The following FASTKD2 variants were observed in gnomAD, a reference collection of about 807,000 sequenced individuals.
FASTKD2 encodes FAST kinase domain-containing protein 2, mitochondrial.
Under a neutral mutation model 63.6 loss-of-function variants are expected in FASTKD2, and 51 were observed. That is an observed-to-expected ratio of 0.80 (90% confidence interval 0.64 to 1.01). FASTKD2 has a LOEUF of 1.01. FASTKD2 is among the 50% of genes least tolerant of loss of function. The pLI is 0.00. For synonymous variants in FASTKD2, 284 were observed against 293.4 expected (o/e 0.97, Z 0.33); for missense variants, 786 against 831.1 (o/e 0.95, Z 0.67).
intron 2 of FASTKD2, among the ~76,000 whole-genome samples, chr2:206,767,757 C>T (rs775542689): frequency 2.0e-5 from 3 of 152,030 alleles, no homozygotes; most frequent in African/African-American, 4.8e-5. Context: ...CAAAGAAAGC[C>T]TGGGTAGTTG....
At chr2:206,770,729 C>CAA (rs549037266) in intron 3 of FASTKD2, among the ~76,000 whole-genome samples, 1,761 of 77,036 alleles carry the variant, frequency 0.023, 40 homozygotes, top group African/African-American at 0.064. Context: ...GACTCTGTCT[C>CAA]AAAAAAAAAA....
chr2:206,772,170 C>A lies in FASTKD2; in HGVS notation c.1115-11C>A. 1 of 1,609,954 alleles carries A rather than the reference C, an allele frequency of 6.2e-7. No homozygotes were observed. Among genetic ancestry groups the A allele is most frequent in the African/African-American group, 1.3e-5 (1 of 74,978 alleles). On this transcript the variant is annotated splice_polypyrimidine_tract_variant and intron_variant, in intron 5 of 11. Coordinates refer to ENST00000402774, the MANE Select transcript of FASTKD2 (RefSeq NM_001136193.2). ...GTAATTTTTGTTTGTTTATTTAACT[C>A]ATTCTTCAAGATAATATCCATGGGT...
Position 206,765,627 on chromosome 2 carries a change from G to T in FASTKD2, c.-171G>T. 1 of 755,788 alleles carries T rather than the reference G, an allele frequency of 1.3e-6. No homozygotes were observed. The highest frequency in any genetic ancestry group is 1.7e-6 in the Non-Finnish European group (1 of 603,496). 46.8% of individuals were successfully genotyped at this position (755,788 alleles called of 1,614,324 possible). On this transcript the variant is annotated 5_prime_UTR_variant, in exon 1 of 12. Transcript: ENST00000402774. ...CGGGGAAGCTGTCATGGCTGCTCCT[G>T]TACGTAGTCACGGTCTTGTGCTCTA...
chr2:206,767,209 A>G lies in FASTKD2; in HGVS notation c.516A>G (p.Ala172=), dbSNP rs142537662. The G allele has an allele frequency of 1.1e-4, 173 of 1,614,128 alleles. No homozygotes were observed. The highest frequency in any genetic ancestry group is 2.3e-4 in the Admixed American group (14 of 60,014). Residue 172 remains alanine (A), a synonymous_variant, in exon 2 of 12, where the codon GCA becomes GCG. Transcript: ENST00000402774. The part of the protein sequence containing the change: ...ECNSLSDVLD[A]FSKAPTFPSS... ...ATTCCCTGAGTGATGTGTTAGATGC[A>G]TTTTCAAAAGCGCCCACATTTCCTA...
intron 7 of FASTKD2, among the ~76,000 whole-genome samples, chr2:206,786,215 T>TA (rs538518880): frequency 2.3e-3 from 349 of 152,352 alleles, no homozygotes; most frequent in African/African-American, 7.7e-3. Flanking sequence ...TTAACCACGT[T>TA]ATACTGTGTA....
rs535498243 is a variant in FASTKD2, at chr2:206,780,056, T to C, written c.1427+5659T>C. Among the ~76,000 whole-genome samples the C allele has an allele frequency of 2.1e-4, 32 of 152,340 alleles. No homozygotes were observed. The South Asian group carries it at 4.3e-3, about 21-fold the overall frequency. ...ATACTTTGTTATTGATGTGACAGTTTACATCTTTTTATATTGTATATCCAT... is the reference window on the plus strand; with the variant it reads ...ATACTTTGTTATTGATGTGACAGTTCACATCTTTTTATATTGTATATCCAT... On this transcript the variant is annotated intron_variant, in intron 7 of 11. Coordinates refer to ENST00000402774, the MANE Select transcript of FASTKD2 (RefSeq NM_001136193.2).
Position 206,766,924 on chromosome 2 carries a change from C to T in FASTKD2, c.231C>T (p.Leu77=), listed in dbSNP as rs2105969916. 6.2e-7 allele frequency: 1 copy of T among 1,601,000 alleles called. No homozygotes were observed. Among genetic ancestry groups the T allele is most frequent in the East Asian group, 2.2e-5 (1 of 44,656 alleles). The part of the protein sequence containing the change: ...RMQSTDIIRY[L]FQDAFIFKSD... ...AATCAACTGATATCATTAGATATCTCTTTCAGGATGCATTCATTTTTAAAT... is the reference window on the plus strand; with the variant it reads ...AATCAACTGATATCATTAGATATCTTTTTCAGGATGCATTCATTTTTAAAT... The change falls in exon 2 of 12, where the codon CTC becomes CTT. Residue 77 remains leucine (L), a synonymous_variant. Transcript: ENST00000402774.
intron 7 of FASTKD2, among the ~76,000 whole-genome samples, chr2:206,784,320 G>A (rs985943642): frequency 2.0e-5 from 3 of 152,240 alleles, no homozygotes; most frequent in African/African-American, 7.2e-5. Flanking sequence ...ATCTGGAGTA[G>A]CAAAGGTTTT....
chr2:206,796,174 A>T lies in FASTKD2; in HGVS notation c.*4372A>T, dbSNP rs1226836308. On this transcript the variant is annotated 3_prime_UTR_variant, in exon 12 of 12. Transcript: ENST00000402774. ...ATGTTATAGAATCAATAAAAATTGG[A>T]TACTTTGCTTTAAAAGTTTGTGAAT... Among the ~76,000 whole-genome samples, 47 of 152,200 alleles carry T rather than the reference A, an allele frequency of 3.1e-4. No homozygotes were observed. The highest frequency in any genetic ancestry group is 5.9e-5 in the Non-Finnish European group (4 of 68,030).
rs1050729403 is a variant in FASTKD2, at chr2:206,794,032, A to G, written c.*2230A>G. 2.6e-5 allele frequency among the ~76,000 whole-genome samples: 4 copies of G among 152,198 alleles called. No individual in the cohort carries two copies. Among genetic ancestry groups the G allele is most frequent in the Admixed American group, 6.5e-5 (1 of 15,282 alleles). The stretch of plus-strand genomic sequence containing the variant: ...GTACTTTGTGGGGTTTTCTTCTCCC[A>G]TAATTTAAAAAATAGCTTTATTATA... On this transcript the variant is annotated 3_prime_UTR_variant, in exon 12 of 12. Coordinates refer to ENST00000402774, the MANE Select transcript of FASTKD2 (RefSeq NM_001136193.2).
In FASTKD2 at chr2:206,788,115, C is replaced by G. The variant is rs755051759; in HGVS notation, c.1773C>G (p.His591Gln). The change falls in exon 9 of 12, where the codon CAC (histidine) becomes CAG (glutamine). Residue 591 changes from histidine (H) to glutamine (Q), a missense_variant. Physicochemically the swap from His to Gln is conservative, Grantham distance 24. Coordinates refer to ENST00000402774, the MANE Select transcript of FASTKD2 (RefSeq NM_001136193.2). ...VLSSLLGGEG[H>Q]FSKDVHLPHN... ...GCAGCCTTCTGGGAGGTGAAGGACACTTCTCAAAGGATGTGCACTTGCCAC... is the reference window on the plus strand; with the variant it reads ...GCAGCCTTCTGGGAGGTGAAGGACAGTTCTCAAAGGATGTGCACTTGCCAC... 1.4e-5 allele frequency: 23 copies of G among 1,611,672 alleles called. No homozygotes were observed. In the South Asian group the frequency reaches 2.3e-4, roughly 16 times the overall value.
At chr2:206,780,133 A>G (rs1051836204) in intron 7 of FASTKD2, among the ~76,000 whole-genome samples, 2 of 152,180 alleles carry the variant, frequency 1.3e-5, no homozygotes, top group Non-Finnish European at 2.9e-5. Context: ...TAACATTTAT[A>G]CTAGAACTAA....
chr2:206,780,112 G>A (rs59099912), intron 7 of FASTKD2, among the ~76,000 whole-genome samples: 4,695 of 150,330 alleles, frequency 0.031, 240 homozygotes, highest in African/African-American at 0.11. Flanking sequence ...AGTTATTCTT[G>A]ATAGTTTTTT....
Position 206,795,265 on chromosome 2 carries a change from G to T in FASTKD2, c.*3463G>T, listed in dbSNP as rs1417735135. 6.6e-6 allele frequency among the ~76,000 whole-genome samples: 1 copy of T among 152,048 alleles called. No homozygotes were observed. ...TTTTTTTTTCCTGAGACGGAGTCGT[G>T]GTCTGTCGCCCAGGCTGGAGTGCTG... On this transcript the variant is annotated 3_prime_UTR_variant, in exon 12 of 12. Coordinates refer to ENST00000402774, the MANE Select transcript of FASTKD2 (RefSeq NM_001136193.2).
chr2:206,777,480 A>C (rs1197759786), intron 7 of FASTKD2, among the ~76,000 whole-genome samples: 1 of 152,144 alleles, frequency 6.6e-6, no homozygotes, highest in East Asian at 1.9e-4. Context: ...TCATTAATTG[A>C]CTTGCATATA....
intron 7 of FASTKD2, among the ~76,000 whole-genome samples, chr2:206,776,913 T>A (rs373311865): frequency 2.6e-5 from 4 of 152,102 alleles, no homozygotes; most frequent in Admixed American, 6.5e-5. Flanking sequence ...CAGGATTAAG[T>A]CTTTCAATCC....
At chr2:206,781,190 A>G (rs1176160410) in intron 7 of FASTKD2, among the ~76,000 whole-genome samples, 2 of 152,032 alleles carry the variant, frequency 1.3e-5, no homozygotes, top group African/African-American at 4.8e-5. Flanking sequence ...TGGTGTCTGC[A>G]CAATTAAAGA....
rs532997479 is a variant in FASTKD2 at position 206,767,221 on chromosome 2, G to T, written c.528G>T (p.Ala176=). The change falls in exon 2 of 12, where the codon GCG becomes GCT. Residue 176 remains alanine (A), a synonymous_variant. Coordinates refer to ENST00000402774, the MANE Select transcript of FASTKD2 (RefSeq NM_001136193.2). The stretch of plus-strand genomic sequence containing the variant: ...ATGTGTTAGATGCATTTTCAAAAGC[G>T]CCCACATTTCCTAGTAGCAACTATT... ...LSDVLDAFSK[A]PTFPSSNYFT... is the part of the protein sequence containing the mutation. The T allele has an allele frequency of 1.2e-5, 19 of 1,614,166 alleles. No homozygotes were observed. In the East Asian group the frequency reaches 3.8e-4, roughly 32 times the overall value.
intron 10 of FASTKD2, chr2:206,790,071 T>G (rs1441699517): frequency 6.5e-6 from 1 of 153,610 alleles, no homozygotes; most frequent in Non-Finnish European, 1.5e-5. Flanking sequence ...TTCGTTATAT[T>G]TACAGATTTT....
Sources: allele counts gnomAD v4.1 joint callset (sites outside exome capture counted in the v4.1 genomes callset), GRCh38; gene constraint gnomAD v4.1.1; transcripts MANE v1.5; gene names NCBI Gene and HGNC (gene_info 2026-07-23, HGNC 2026-07-21).